Variants in PKHD1 observed in about 807,000 individuals in gnomAD.
The protein encoded by PKHD1 is fibrocystin.
PKHD1 carries 291 observed loss-of-function variants against 412.0 expected under a neutral mutation model. The ratio of observed to expected loss-of-function variants is 0.71; its 90% CI spans 0.64 to 0.78. PKHD1 has a LOEUF of 0.78. Ranked by LOEUF, PKHD1 falls within the 30% of genes least tolerant of loss-of-function variation. The pLI is 0.00. For missense variants in PKHD1, 4,825 were observed against 4,950.7 expected, an observed-to-expected ratio of 0.97 and a Z score of 0.76; for synonymous variants, 1,777 against 1,821.5, an observed-to-expected ratio of 0.98 and a Z score of 0.62.
Position 51,746,744 on chromosome 6 carries a change from GA to G in PKHD1, c.9974del (p.Phe3325SerfsTer12). 6.2e-7 allele frequency: 1 copy of G among 1,608,396 alleles called. No individual in the cohort carries two copies. The highest frequency in any genetic ancestry group is 8.5e-7 in the Non-Finnish European group (1 of 1,175,094). ...RMLKIKDKNK[F>X]YFPSLQPRKD... is the part of the protein sequence containing the mutation. ...ACCTGGGTTGTAATGAAGGAAAGTA[GA>G]ACTTGTTTTTATCTTTTATCTTTAG... On this transcript the variant is annotated frameshift_variant, in exon 59 of 67. Transcript: ENST00000371117. LOFTEE classifies it high-confidence loss of function.
intron 60 of PKHD1, among the ~76,000 whole-genome samples, chr6:51,666,343 C>T (rs1773770568): frequency 6.6e-6 from 1 of 152,044 alleles, no homozygotes; most frequent in Non-Finnish European, 1.5e-5. Flanking sequence ...TATCATCCTT[C>T]CTATATTTTA....
intron 16 of PKHD1, among the ~76,000 whole-genome samples, chr6:52,057,210 T>C (rs1334701990): frequency 1.3e-5 from 2 of 152,240 alleles, no homozygotes; most frequent in Non-Finnish European, 2.9e-5. Context: ...TGCCCCTTGA[T>C]TGAGAGTATG....
intron 20 of PKHD1, 94 bp from the exon 21 acceptor site, chr6:52,053,345 G>T: frequency 1.5e-6 from 2 of 1,305,878 alleles, no homozygotes; most frequent in South Asian, 1.3e-5. Flanking sequence ...GGGCCTGTGA[G>T]CTATGCAGCC....
At chr6:51,979,681 A>G (rs1757505808) in intron 35 of PKHD1, among the ~76,000 whole-genome samples, 3 of 152,070 alleles carry the variant, frequency 2.0e-5, no homozygotes, top group South Asian at 4.2e-4. Context: ...CCTAGAGAAC[A>G]AAGTCCAAAT....
chr6:51,993,583 A>T (rs1797310326), intron 35 of PKHD1, among the ~76,000 whole-genome samples: 1 of 152,216 alleles, frequency 6.6e-6, no homozygotes. Flanking sequence ...TAGAAATATG[A>T]TGATGCCAAA....
At chr6:51,756,643 A>G (rs1197388778) in intron 55 of PKHD1, among the ~76,000 whole-genome samples, 1 of 152,206 alleles carries the variant, frequency 6.6e-6, no homozygotes, top group East Asian at 1.9e-4. Flanking sequence ...CCATTTTTTA[A>G]TAAAATGATA....
chr6:51,939,530 C>T (rs2127795526), intron 36 of PKHD1, among the ~76,000 whole-genome samples: 1 of 151,648 alleles, frequency 6.6e-6, no homozygotes, highest in Non-Finnish European at 1.5e-5. Flanking sequence ...CACTTGACCC[C>T]ATTACAAACT....
chr6:51,924,187 A>C (rs761436740), intron 37 of PKHD1, among the ~76,000 whole-genome samples: 2 of 152,208 alleles, frequency 1.3e-5, no homozygotes, highest in Non-Finnish European at 2.9e-5. Context: ...TTGATGATGC[A>C]TATGGAAGAA....
chr6:52,070,614 A>G (rs1562281744), intron 9 of PKHD1, among the ~76,000 whole-genome samples, 169 bp from the exon 10 acceptor site: 1 of 151,896 alleles, frequency 6.6e-6, no homozygotes, highest in African/African-American at 2.4e-5. Flanking sequence ...AAAAAAACAA[A>G]AACAAAAAAA....
At chr6:51,808,979 G>C (rs1449034123) in intron 52 of PKHD1, among the ~76,000 whole-genome samples, 1 of 151,966 alleles carries the variant, frequency 6.6e-6, no homozygotes, top group Non-Finnish European at 1.5e-5. Context: ...GGATTTATGG[G>C]AAGGCAAACA....
At chr6:51,949,211 A>C (rs112747050) in intron 36 of PKHD1, among the ~76,000 whole-genome samples, 1 of 152,114 alleles carries the variant, frequency 6.6e-6, no homozygotes, top group Non-Finnish European at 1.5e-5. Flanking sequence ...CCAATTCACC[A>C]TTTTTTCTTA....
intron 60 of PKHD1, among the ~76,000 whole-genome samples, chr6:51,682,603 G>C (rs1331012113): frequency 6.6e-6 from 1 of 152,062 alleles, no homozygotes; most frequent in African/African-American, 2.4e-5. Context: ...CTATGTCCAG[G>C]TCTTCTCCTT....
In PKHD1 at chr6:51,847,974, G is replaced by A. The variant is rs199904719; in HGVS notation, c.7912-4C>T. 2 of 1,606,552 alleles carry A rather than the reference G, an allele frequency of 1.2e-6. No individual in the cohort carries two copies. Among genetic ancestry groups the A allele is most frequent in the Non-Finnish European group, 1.7e-6 (2 of 1,173,294 alleles). On this transcript the variant is annotated splice_region_variant and splice_polypyrimidine_tract_variant and intron_variant, in intron 49 of 66. Transcript: ENST00000371117. ...AGTTGTCAAAGGTTGCTGAGTACTT[G>A]AAGTGAAAGAAAAACACAATAGTGC...
intron 63 of PKHD1, among the ~76,000 whole-genome samples, chr6:51,643,469 T>C (rs866391314): frequency 6.6e-6 from 1 of 151,842 alleles, no homozygotes; most frequent in East Asian, 1.9e-4. Context: ...GAACAAAAGA[T>C]AGATTGTGTA....
At chr6:51,682,549 T>C (rs1776831230) in intron 60 of PKHD1, among the ~76,000 whole-genome samples, 3 of 152,078 alleles carry the variant, frequency 2.0e-5, no homozygotes, top group Non-Finnish European at 1.5e-5. Flanking sequence ...TTTGCTTTAA[T>C]ATGGGTGAAA....
intron 60 of PKHD1, among the ~76,000 whole-genome samples, chr6:51,674,337 T>C (rs1317360887): frequency 2.0e-5 from 3 of 152,158 alleles, no homozygotes; most frequent in Non-Finnish European, 4.4e-5. Context: ...GAGATTAGAA[T>C]GGCAAAGAAG....
chr6:51,659,227 T>A lies in PKHD1; in HGVS notation c.10899A>T (p.Arg3633Ser), dbSNP rs1355929152. The change falls in exon 61 of 67, where the codon AGA becomes AGT. Residue 3633 changes from arginine to serine, a missense_variant. Coordinates refer to ENST00000371117, the MANE Select transcript of PKHD1 (RefSeq NM_138694.4). ...TCATGAGAGGCCTACGTTGACCAAC[T>A]CTTCTATAATGACTAGTGCAAGTCA... ...PTVTCTSHYR[R>S]VGQRRPLMME... The A allele has an allele frequency of 1.2e-6, 2 of 1,613,874 alleles. No homozygotes were observed. The highest frequency in any genetic ancestry group is 2.2e-5 in the South Asian group (2 of 91,076).
At chr6:51,916,910 T>C (rs1444399694) in intron 37 of PKHD1, among the ~76,000 whole-genome samples, 1 of 152,176 alleles carries the variant, frequency 6.6e-6, no homozygotes, top group East Asian at 1.9e-4. Flanking sequence ...ACTACTCATT[T>C]ACTCCCACTA....
At chr6:51,749,199 A>G (rs1404437483) in intron 57 of PKHD1, among the ~76,000 whole-genome samples, 1 of 152,216 alleles carries the variant, frequency 6.6e-6, no homozygotes, top group Non-Finnish European at 1.5e-5. Context: ...TATTCCATAC[A>G]TGCTTCTGAT....
Sources: gnomAD v4.1 joint callset for allele counts (sites outside exome capture counted in the v4.1 genomes callset) on GRCh38, gnomAD v4.1.1 for gene constraint, MANE v1.5 for transcripts, NCBI Gene and HGNC (gene_info 2026-07-23, HGNC 2026-07-21) for gene names.